Variants in PRKD1 observed in about 807,000 individuals in gnomAD.
PRKD1 encodes the protein protein kinase D1.
Under a neutral mutation model 95.9 loss-of-function variants are expected in PRKD1, and 63 were observed. That is an observed-to-expected ratio of 0.66 (90% CI 0.54 to 0.81). PRKD1 has a LOEUF of 0.81. Among genes scored for constraint, PRKD1 ranks in the 30% least tolerant of loss-of-function variants. The pLI is 0.00. For missense variants in PRKD1, 1,048 were observed against 1,165.3 expected (o/e 0.90, Z 1.47); for synonymous variants, 425 against 423.1 (o/e 1.00, Z -0.05).
chr14:29,631,500 C>CAT (rs1880002193), intron 9 of PRKD1, among the ~76,000 whole-genome samples: 1 of 140,272 alleles, frequency 7.1e-6, no homozygotes, highest in Admixed American at 7.2e-5. Flanking sequence ...TTAAAATGGT[C>CAT]TTTTTTTTTT....
Position 29,747,371 on chromosome 14 carries a change from A to G in PRKD1, c.265-21697T>C, listed in dbSNP as rs114555947. On this transcript the variant is annotated intron_variant, in intron 1 of 17. Coordinates refer to ENST00000331968, the MANE Select transcript of PRKD1 (RefSeq NM_002742.3). ...ATAGAAGAGTAAAATAGTTCCAACC[A>G]TTATGAAAAATAATTTGTTGGTTTC... Among the ~76,000 whole-genome samples the G allele has an allele frequency of 8.9e-3, 1,349 of 152,312 alleles. 18 individuals are homozygous for G. The highest frequency in any genetic ancestry group is 0.031 in the African/African-American group (1,307 of 41,566).
intron 1 of PRKD1, among the ~76,000 whole-genome samples, chr14:29,821,147 T>C (rs1197675514): frequency 2.6e-5 from 4 of 152,216 alleles, no homozygotes; most frequent in Non-Finnish European, 4.4e-5. Flanking sequence ...GTAAATATAA[T>C]GAATTTTTAC....
chr14:29,815,271 T>C (rs935636648), intron 1 of PRKD1, among the ~76,000 whole-genome samples: 2 of 152,236 alleles, frequency 1.3e-5, no homozygotes, highest in African/African-American at 4.8e-5. Flanking sequence ...CATAAGATAA[T>C]TAGTTATTTC....
intron 1 of PRKD1, among the ~76,000 whole-genome samples, chr14:29,819,615 G>A (rs752905199): frequency 2.8e-4 from 42 of 152,188 alleles, no homozygotes; most frequent in Middle Eastern, 3.4e-3. Flanking sequence ...GCATGAACCC[G>A]GCAGGCAGAG....
At chr14:29,710,704 T>C (rs994691339) in intron 2 of PRKD1, among the ~76,000 whole-genome samples, 1 of 152,166 alleles carries the variant, frequency 6.6e-6, no homozygotes, top group African/African-American at 2.4e-5. Flanking sequence ...GTTAATTTCT[T>C]AGTTTTGACA....
At chr14:29,887,191 C>A (rs960023546) in intron 1 of PRKD1, among the ~76,000 whole-genome samples, 1 of 152,126 alleles carries the variant, frequency 6.6e-6, no homozygotes, top group African/African-American at 2.4e-5. Context: ...CAGGAAAAAA[C>A]CCAGAGAGCA....
At chr14:29,852,649 T>C (rs1011896076) in intron 1 of PRKD1, among the ~76,000 whole-genome samples, 6 of 152,088 alleles carry the variant, frequency 3.9e-5, no homozygotes, top group Non-Finnish European at 8.8e-5. Context: ...ACTGAAAGGA[T>C]TGGGAACAAA....
rs1879957941 is a variant in PRKD1, at chr14:29,630,877, G to C, written c.1537C>G (p.Pro513Ala). The stretch of plus-strand genomic sequence containing the variant: ...GTGAGAACACTGTTATTTGGTGATG[G>C]GCTGGAAGGATTGACCACATTTTCT... ...VGENVVNPSSPSPNNSVLTSG... is the reference protein window; with the variant it reads ...VGENVVNPSSASPNNSVLTSG... Residue 513 changes from proline to alanine, a missense_variant, in exon 10 of 18, where the codon CCA (proline) becomes GCA (alanine). By Grantham distance (27) the Pro-to-Ala change is conservative. This residue lies in a region of PRKD1 where 739 missense variants were observed against 861.9 expected (regional missense o/e 0.86). Transcript: ENST00000331968. 1 of 1,614,096 alleles carries C rather than the reference G, an allele frequency of 6.2e-7. No individual in the cohort carries two copies. The highest frequency in any genetic ancestry group is 1.7e-5 in the Admixed American group (1 of 60,012).
At chr14:29,589,863 G>C (rs1292283642) in intron 16 of PRKD1, among the ~76,000 whole-genome samples, 2 of 152,008 alleles carry the variant, frequency 1.3e-5, no homozygotes, top group African/African-American at 2.4e-5. Flanking sequence ...CTCATTATTA[G>C]ACCTGCCTTC....
intron 1 of PRKD1, among the ~76,000 whole-genome samples, chr14:29,761,166 T>G (rs1887960664): frequency 6.6e-6 from 1 of 152,200 alleles, no homozygotes; most frequent in African/African-American, 2.4e-5. Flanking sequence ...ATTAAAATCT[T>G]TCTAATATAG....
intron 16 of PRKD1, among the ~76,000 whole-genome samples, chr14:29,586,268 A>G (rs534028994): frequency 1.3e-5 from 2 of 152,308 alleles, no homozygotes; most frequent in East Asian, 3.9e-4. Flanking sequence ...GCAGAGATAG[A>G]AGGGTTTAAG....
chr14:29,826,802 CACATATATATACACATATATATATATAT>C (rs1891187945), intron 1 of PRKD1, among the ~76,000 whole-genome samples: 1 of 22,784 alleles, frequency 4.4e-5, no homozygotes, highest in African/African-American at 2.1e-4. Flanking sequence ...CATATATATA[CACATATATATACACATATATATATATAT>C]ATATATATAC....
rs1480437797 is a variant in PRKD1 at position 29,896,451 on chromosome 14, G to A, written c.264+30798C>T. Among the ~76,000 whole-genome samples, 4 of 151,992 alleles carry A rather than the reference G, an allele frequency of 2.6e-5. No homozygotes were observed. The East Asian group carries it at 5.8e-4, about 22-fold the overall frequency. On this transcript the variant is annotated intron_variant, in intron 1 of 17. Transcript: ENST00000331968. Reference sequence around the variant, plus strand: ...CTTTGAACAGGTAATATTTGCTTAGGTGATAGGAGAGGAAATGGACTTCAG... The same window carrying A: ...CTTTGAACAGGTAATATTTGCTTAGATGATAGGAGAGGAAATGGACTTCAG...
At chr14:29,903,043 G>C (rs1894373577) in intron 1 of PRKD1, among the ~76,000 whole-genome samples, 1 of 152,136 alleles carries the variant, frequency 6.6e-6, no homozygotes, top group Non-Finnish European at 1.5e-5. Context: ...CTCAGCTCTA[G>C]GGCAGTCAAC....
At chr14:29,832,149 C>T (rs1891436090) in intron 1 of PRKD1, among the ~76,000 whole-genome samples, 1 of 152,130 alleles carries the variant, frequency 6.6e-6, no homozygotes, top group East Asian at 1.9e-4. Context: ...ATATACTTTT[C>T]CAAAGCGATT....
intron 2 of PRKD1, among the ~76,000 whole-genome samples, chr14:29,706,549 G>A (rs770625171): frequency 5.9e-5 from 9 of 152,148 alleles, no homozygotes; most frequent in Middle Eastern, 3.4e-3. Context: ...AACAATCAGC[G>A]TGAAAGTTTA....
intron 1 of PRKD1, among the ~76,000 whole-genome samples, chr14:29,748,493 G>C (rs1887332998): frequency 6.6e-6 from 1 of 152,172 alleles, no homozygotes; most frequent in Admixed American, 6.5e-5. Flanking sequence ...TGAAGTGGGA[G>C]TGGAGAGAGC....
At chr14:29,593,723 C>G (rs1893207217) in intron 16 of PRKD1, among the ~76,000 whole-genome samples, 1 of 152,138 alleles carries the variant, frequency 6.6e-6, no homozygotes, top group Non-Finnish European at 1.5e-5. Context: ...AGAGGTTTAC[C>G]TTTTGGACTT....
chr14:29,872,791 T>G (rs1461301100), intron 1 of PRKD1, among the ~76,000 whole-genome samples: 1 of 152,182 alleles, frequency 6.6e-6, no homozygotes, highest in Non-Finnish European at 1.5e-5. Flanking sequence ...AGAAACATAT[T>G]CAAGAAAATT....
Sources: allele counts gnomAD v4.1 joint callset (sites outside exome capture counted in the v4.1 genomes callset), GRCh38; gene constraint gnomAD v4.1.1; regional missense constraint gnomAD v4.1.1; transcripts MANE v1.5; gene names NCBI Gene and HGNC (gene_info 2026-07-23, HGNC 2026-07-21).